Variants in NAV1 observed in about 807,000 individuals in gnomAD.
NAV1 encodes the protein pore membrane and/or filament interacting like protein 3.
Under a neutral mutation model 175.2 loss-of-function variants are expected in NAV1, and 18 were observed. The ratio of observed to expected loss-of-function variants is 0.10; its 90% CI spans 0.07 to 0.15. The LOEUF is 0.15. Ranked by LOEUF, NAV1 falls within the 10% of genes least tolerant of loss-of-function variation. The probability of loss-of-function intolerance (pLI) is 1.00; values close to 1 mark genes in which losing one functional copy is unlikely to be tolerated. For synonymous variants in NAV1, 897 were observed against 978.7 expected, an observed-to-expected ratio of 0.92 and a Z score of 1.56; for missense variants, 1,731 against 2,436.6, an observed-to-expected ratio of 0.71 and a Z score of 6.10.
At chr1:201,668,103 C>T (rs979628118) in intron 1 of NAV1, among the ~76,000 whole-genome samples, 1 of 152,170 alleles carries the variant, frequency 6.6e-6, no homozygotes, top group Non-Finnish European at 1.5e-5. Context: ...CAGGTTTCCC[C>T]TTGAGAAAAA....
chr1:201,816,890 T>A (rs1195802914), intron 28 of NAV1, 198 bp from the exon 33 acceptor site: 4 of 581,140 alleles, frequency 6.9e-6, no homozygotes, highest in Middle Eastern at 4.5e-4. Flanking sequence ...GCCAGGCTGG[T>A]CTTGAACTTC....
intron 1 of NAV1, among the ~76,000 whole-genome samples, chr1:201,581,104 G>A (rs964681043): frequency 6.6e-6 from 1 of 152,140 alleles, no homozygotes; most frequent in Non-Finnish European, 1.5e-5. Context: ...GTAGAGACTG[G>A]ATCATAGAAG....
chr1:201,725,764 C>T (rs779995017), intron 3 of NAV1, among the ~76,000 whole-genome samples: 1 of 151,998 alleles, frequency 6.6e-6, no homozygotes, highest in Non-Finnish European at 1.5e-5. Flanking sequence ...AAGACTAGGC[C>T]TGGGCAACAT....
intron 2 of NAV1, among the ~76,000 whole-genome samples, chr1:201,637,376 G>C (rs1668641776): frequency 6.6e-6 from 1 of 152,190 alleles, no homozygotes; most frequent in Admixed American, 6.5e-5. Flanking sequence ...CATATTCACA[G>C]TATTTGGCTT....
chr1:201,746,190 G>T (rs1171160308), intron 3 of NAV1, among the ~76,000 whole-genome samples: 1 of 152,078 alleles, frequency 6.6e-6, no homozygotes, highest in African/African-American at 2.4e-5. Context: ...TGATAGTTTT[G>T]TCCAATTATA....
At chr1:201,668,918 G>A (rs913145998) in intron 1 of NAV1, among the ~76,000 whole-genome samples, 8 of 152,124 alleles carry the variant, frequency 5.3e-5, no homozygotes, top group African/African-American at 1.9e-4. Context: ...AGCCATGGGC[G>A]GTGTGCTGAG....
At chr1:201,819,903 C>G in exon 30 of NAV1, 1 of 1,614,188 alleles carries the variant, frequency 6.2e-7, no homozygotes, top group South Asian at 1.1e-5. Context: ...AGAAACCATC[C>G]TGGACCCCAA....
intron 1 of NAV1, among the ~76,000 whole-genome samples, chr1:201,679,090 C>T (rs1463076797): frequency 2.6e-5 from 4 of 152,094 alleles, no homozygotes; most frequent in African/African-American, 9.7e-5. Context: ...CAAATGAAGC[C>T]CCCTCCTGCC....
chr1:201,672,994 C>A (rs1670102527), intron 1 of NAV1: 1 of 152,116 alleles, frequency 6.6e-6, no homozygotes, highest in African/African-American at 2.4e-5. Flanking sequence ...AATCAGCAAG[C>A]AGTACCGAAG....
At chr1:201,664,395 T>G (rs999830988) in intron 1 of NAV1, among the ~76,000 whole-genome samples, 1 of 152,206 alleles carries the variant, frequency 6.6e-6, no homozygotes, top group African/African-American at 2.4e-5. Context: ...AGCCATGAGA[T>G]TCCGAGTCAA....
intron 1 of NAV1, among the ~76,000 whole-genome samples, chr1:201,580,515 G>A (rs866449623): frequency 6.6e-6 from 1 of 152,218 alleles, no homozygotes. Flanking sequence ...GCTCATGCCT[G>A]TAATCCCACC....
intron 2 of NAV1, among the ~76,000 whole-genome samples, chr1:201,590,553 T>A (rs376094037): frequency 2.0e-5 from 3 of 152,212 alleles, no homozygotes; most frequent in South Asian, 2.1e-4. Flanking sequence ...TGCTTCCTGG[T>A]CCCTGGCAAC....
upstream of NAV1, among the ~76,000 whole-genome samples, chr1:201,620,270 G>T (rs1009268694): frequency 1.3e-5 from 2 of 152,032 alleles, no homozygotes; most frequent in Admixed American, 6.5e-5. Flanking sequence ...GCCATGCTTT[G>T]GTGGTCTTTT....
At chr1:201,723,826 G>C (rs1672492433) in intron 3 of NAV1, 1 of 152,222 alleles carries the variant, frequency 6.6e-6, no homozygotes, top group South Asian at 2.1e-4. Context: ...ACTGAAATCT[G>C]TTTCGCTGTA....
At chr1:201,736,669 A>G (rs1673124549) in intron 3 of NAV1, among the ~76,000 whole-genome samples, 1 of 152,198 alleles carries the variant, frequency 6.6e-6, no homozygotes, top group South Asian at 2.1e-4. Flanking sequence ...CATTTCCTGG[A>G]CTTTCTATGC....
intron 2 of NAV1, among the ~76,000 whole-genome samples, chr1:201,593,336 C>A (rs983584476): frequency 6.6e-6 from 1 of 152,188 alleles, no homozygotes; most frequent in African/African-American, 2.4e-5. Context: ...TGGCCAGAGA[C>A]AACTTCCTCT....
At chr1:201,709,338 G>A (rs953316195) in intron 1 of NAV1, among the ~76,000 whole-genome samples, 17 of 152,148 alleles carry the variant, frequency 1.1e-4, no homozygotes, top group Admixed American at 8.5e-4. Flanking sequence ...TGAGGGTTGA[G>A]AGGTGAAGTA....
chr1:201,777,399 G>A (rs556457959), intron 3 of NAV1, among the ~76,000 whole-genome samples: 1 of 152,276 alleles, frequency 6.6e-6, no homozygotes, highest in South Asian at 2.1e-4. Flanking sequence ...GGCAAAAAAG[G>A]AGCACTTTTC....
intron 3 of NAV1, among the ~76,000 whole-genome samples, chr1:201,765,686 C>T (rs1322869551): frequency 6.6e-6 from 1 of 152,144 alleles, no homozygotes; most frequent in Non-Finnish European, 1.5e-5. Context: ...TAAGCCACCA[C>T]ACCCGGCCCA....
Sources: gnomAD v4.1 joint callset for allele counts (sites outside exome capture counted in the v4.1 genomes callset) on GRCh38, gnomAD v4.1.1 for gene constraint, MANE v1.5 for transcripts, NCBI Gene and HGNC (gene_info 2026-07-23, HGNC 2026-07-21) for gene names.